Variants in NOS1AP observed in about 807,000 individuals in gnomAD.
NOS1AP encodes the protein nitric oxide synthase 1 adaptor protein.
In NOS1AP, 21 loss-of-function variants were observed where a neutral mutation model predicts 56.2. The ratio of observed to expected loss-of-function variants is 0.37; its 90% CI spans 0.26 to 0.54. The LOEUF is 0.54. Ranked by LOEUF, NOS1AP falls within the 20% of genes least tolerant of loss-of-function variation. NOS1AP has a pLI of 0.84. For synonymous variants in NOS1AP, 270 were observed against 274.6 expected (o/e 0.98, Z 0.17); for missense variants, 522 against 657.8 (o/e 0.79, Z 2.26).
chr1:162,290,248 A>G (rs1308536742), intron 3 of NOS1AP, among the ~76,000 whole-genome samples: 1 of 152,198 alleles, frequency 6.6e-6, no homozygotes, highest in Non-Finnish European at 1.5e-5. Context: ...GGAGCTGCCC[A>G]TCTTGTTTCC....
intron 1 of NOS1AP, among the ~76,000 whole-genome samples, chr1:162,102,280 C>A (rs943369368): frequency 3.9e-5 from 6 of 152,344 alleles, no homozygotes; most frequent in African/African-American, 1.4e-4. Flanking sequence ...ACCAATCTTG[C>A]ATCCCAGGGA....
intron 1 of NOS1AP, among the ~76,000 whole-genome samples, chr1:162,137,466 G>C (rs1005917909): frequency 6.6e-6 from 1 of 152,160 alleles, no homozygotes; most frequent in Non-Finnish European, 1.5e-5. Context: ...TAGGATTGCT[G>C]TCTGGGATCA....
intron 1 of NOS1AP, among the ~76,000 whole-genome samples, chr1:162,073,904 C>T (rs1216617389): frequency 1.3e-5 from 2 of 152,196 alleles, no homozygotes; most frequent in African/African-American, 4.8e-5. Context: ...CCCTGAGAGC[C>T]TGTGGCTCCT....
intron 2 of NOS1AP, among the ~76,000 whole-genome samples, chr1:162,270,531 G>A (rs1654550908): frequency 6.6e-6 from 1 of 152,174 alleles, no homozygotes; most frequent in Admixed American, 6.5e-5. Flanking sequence ...TTCAAGCTGT[G>A]GTAGTCAGAG....
intron 2 of NOS1AP, among the ~76,000 whole-genome samples, chr1:162,178,457 C>T (rs987458029): frequency 6.6e-6 from 1 of 152,168 alleles, no homozygotes; most frequent in Non-Finnish European, 1.5e-5. Flanking sequence ...ATGTGCCATA[C>T]ACCAAACATG....
At chr1:162,325,138 T>C (rs1417924630) in intron 4 of NOS1AP, among the ~76,000 whole-genome samples, 1 of 152,116 alleles carries the variant, frequency 6.6e-6, no homozygotes, top group African/African-American at 2.4e-5. Context: ...AGATGGAAAT[T>C]ACAATAACTT....
intron 1 of NOS1AP, among the ~76,000 whole-genome samples, chr1:162,081,450 G>A (rs1192790996): frequency 2.0e-5 from 3 of 151,834 alleles, no homozygotes; most frequent in Non-Finnish European, 2.9e-5. Flanking sequence ...CCTGGAGGGT[G>A]TTATTCTTGG....
chr1:162,326,370 T>G (rs1656590856), intron 4 of NOS1AP, among the ~76,000 whole-genome samples: 1 of 152,144 alleles, frequency 6.6e-6, no homozygotes, highest in South Asian at 2.1e-4. Context: ...ATGAGGGGCA[T>G]TAGAGGTAGA....
intron 1 of NOS1AP, among the ~76,000 whole-genome samples, chr1:162,132,309 C>G (rs1648787458): frequency 6.6e-6 from 1 of 152,136 alleles, no homozygotes. Context: ...AATATGCCTC[C>G]CCAGGCAAGA....
intron 2 of NOS1AP, among the ~76,000 whole-genome samples, chr1:162,172,666 A>G (rs1186634055): frequency 1.3e-5 from 2 of 152,104 alleles, no homozygotes; most frequent in South Asian, 2.1e-4. Flanking sequence ...TGGTATATGT[A>G]TGTGCTTTCC....
chr1:162,085,182 T>A (rs1691975128), intron 1 of NOS1AP, among the ~76,000 whole-genome samples: 1 of 152,104 alleles, frequency 6.6e-6, no homozygotes, highest in Non-Finnish European at 1.5e-5. Context: ...GCAGGGAACT[T>A]GCTGCTATGC....
intron 1 of NOS1AP, among the ~76,000 whole-genome samples, chr1:162,119,132 T>C (rs189129916): frequency 2.5e-4 from 38 of 152,306 alleles, no homozygotes; most frequent in African/African-American, 9.1e-4. Flanking sequence ...TTTTTAAGAA[T>C]GATCTAGAAA....
At chr1:162,277,580 A>G (rs1218455896) in intron 2 of NOS1AP, among the ~76,000 whole-genome samples, 1 of 152,188 alleles carries the variant, frequency 6.6e-6, no homozygotes, top group Non-Finnish European at 1.5e-5. Context: ...TAGAAAGTCT[A>G]AGCTCACCCT....
At chr1:162,301,099 C>A (rs1235174957) in intron 4 of NOS1AP, among the ~76,000 whole-genome samples, 2 of 152,128 alleles carry the variant, frequency 1.3e-5, no homozygotes, top group African/African-American at 4.8e-5. Context: ...ACCTCTCTAC[C>A]CCTTCAGAAA....
chr1:162,158,661 C>A (rs1051450446), intron 2 of NOS1AP, among the ~76,000 whole-genome samples: 2 of 152,160 alleles, frequency 1.3e-5, no homozygotes, highest in Non-Finnish European at 2.9e-5. Flanking sequence ...AGAACGAAGA[C>A]CAAACTGCAG....
At chr1:162,294,380 C>CGAGA (rs1655383319) in intron 3 of NOS1AP, among the ~76,000 whole-genome samples, 2 of 152,162 alleles carry the variant, frequency 1.3e-5, no homozygotes, top group Admixed American at 6.5e-5. Flanking sequence ...CCTCCATTCT[C>CGAGA]AGTCACTGGC....
At chr1:162,281,942 A>T (rs576565262) in intron 2 of NOS1AP, among the ~76,000 whole-genome samples, 2 of 152,310 alleles carry the variant, frequency 1.3e-5, no homozygotes, top group South Asian at 4.2e-4. Flanking sequence ...TCTACTTAAA[A>T]TACAAAAATT....
At chr1:162,192,656 T>C (rs1651682044) in intron 2 of NOS1AP, among the ~76,000 whole-genome samples, 1 of 152,220 alleles carries the variant, frequency 6.6e-6, no homozygotes, top group Non-Finnish European at 1.5e-5. Flanking sequence ...GTCTCAACTT[T>C]TCTGTTCTTC....
chr1:162,262,304 A>G (rs113289761), intron 2 of NOS1AP, among the ~76,000 whole-genome samples: 3,773 of 152,272 alleles, frequency 0.025, 65 homozygotes, highest in Non-Finnish European at 0.039. Context: ...TGGCCAATGT[A>G]TTTTCGGTGT....
Sources: allele counts gnomAD v4.1 joint callset (sites outside exome capture counted in the v4.1 genomes callset), GRCh38; gene constraint gnomAD v4.1.1; transcripts MANE v1.5; gene names NCBI Gene and HGNC (gene_info 2026-07-23, HGNC 2026-07-21).